Variants in FOCAD observed in about 807,000 individuals in gnomAD.
FOCAD encodes the protein focadhesin, also known as KIAA1797.
A neutral mutation model predicts 225.6 loss-of-function variants in FOCAD; 198 were observed. That is an observed-to-expected ratio of 0.88 (90% CI 0.78 to 0.99). The LOEUF (loss-of-function observed/expected upper bound fraction) is 0.99. Ranked by LOEUF, FOCAD falls within the 50% of genes least tolerant of loss-of-function variation. The pLI, the probability that FOCAD is intolerant of heterozygous loss-of-function variation, is 0.00. For missense variants in FOCAD, 2,713 were observed against 2,123.6 expected (o/e 1.28, Z -5.46); for synonymous variants, 897 against 755.0 (o/e 1.19, Z -3.08).
chr9:20,980,477 T>A (rs1384720739), intron 37 of FOCAD, among the ~76,000 whole-genome samples: 1 of 133,730 alleles, frequency 7.5e-6, no homozygotes, highest in Non-Finnish European at 1.6e-5. Context: ...TCTTTGATTA[T>A]TTATCTTTAT....
At chr9:20,949,723 T>C (rs1427725185) in intron 33 of FOCAD, 48 bp downstream of exon 33, 3 of 1,439,148 alleles carry the variant, frequency 2.1e-6, no homozygotes, top group Admixed American at 3.4e-5. Context: ...TATCCCCCTT[T>C]GTTGTCTTTT....
At chr9:20,740,055 T>A (rs1011739254) in intron 4 of FOCAD, among the ~76,000 whole-genome samples, 181 bp from the exon 5 acceptor site, 1 of 152,186 alleles carries the variant, frequency 6.6e-6, no homozygotes, top group Non-Finnish European at 1.5e-5. Flanking sequence ...CTCCATTTCT[T>A]CTCCTTTAAA....
chr9:20,707,103 A>G (rs1408453441), intron 1 of FOCAD, among the ~76,000 whole-genome samples: 1 of 152,216 alleles, frequency 6.6e-6, no homozygotes, highest in Non-Finnish European at 1.5e-5. Flanking sequence ...TTTTGTTAAT[A>G]CAAAAGAAGA....
At chr9:20,930,605 AAC>A (rs1430368989) in intron 27 of FOCAD, among the ~76,000 whole-genome samples, 1 of 152,104 alleles carries the variant, frequency 6.6e-6, no homozygotes, top group Non-Finnish European at 1.5e-5. Context: ...GTTCTTCACA[AAC>A]ACAAGTATGT....
intron 1 of FOCAD, among the ~76,000 whole-genome samples, chr9:20,714,384 T>C (rs1244011212): frequency 1.3e-5 from 2 of 152,178 alleles, no homozygotes; most frequent in Admixed American, 6.5e-5. Context: ...AACTTGGTTT[T>C]TCTGCTTGTT....
At chr9:20,723,275 G>C (rs1398838959) in intron 4 of FOCAD, among the ~76,000 whole-genome samples, 1 of 152,202 alleles carries the variant, frequency 6.6e-6, no homozygotes, top group African/African-American at 2.4e-5. Flanking sequence ...ATCACTTGAG[G>C]TCAGGAGTTC....
At chr9:20,923,239 A>C (rs1335926237) in intron 24 of FOCAD, among the ~76,000 whole-genome samples, 1 of 152,216 alleles carries the variant, frequency 6.6e-6, no homozygotes, top group African/African-American at 2.4e-5. Flanking sequence ...CCGGTGCTTC[A>C]GAAAAGCCAA....
At chr9:20,769,444 G>T (rs1817957553) in intron 7 of FOCAD, among the ~76,000 whole-genome samples, 1 of 152,176 alleles carries the variant, frequency 6.6e-6, no homozygotes, top group South Asian at 2.1e-4. Context: ...AGCTGGGTTT[G>T]AATTGCATTG....
intron 42 of FOCAD, 117 bp from the exon 43 acceptor site, chr9:20,993,136 C>T: frequency 2.7e-6 from 2 of 736,000 alleles, no homozygotes; most frequent in Non-Finnish European, 4.6e-6. Flanking sequence ...GTAATCCCAG[C>T]TACTGGGGAG....
At chr9:20,812,655 A>G (rs1294252670) in intron 11 of FOCAD, among the ~76,000 whole-genome samples, 3 of 152,142 alleles carry the variant, frequency 2.0e-5, no homozygotes, top group South Asian at 4.2e-4. Flanking sequence ...TGTTTCTGTT[A>G]TAGATGGCTT....
At chr9:20,741,436 CTCT>C (rs1307967191) in intron 5 of FOCAD, among the ~76,000 whole-genome samples, 1 of 151,970 alleles carries the variant, frequency 6.6e-6, no homozygotes, top group Admixed American at 6.6e-5. Context: ...TATTTGTGAT[CTCT>C]TATTTTTATG....
intron 15 of FOCAD, among the ~76,000 whole-genome samples, chr9:20,852,863 G>C (rs1827808596): frequency 6.6e-6 from 1 of 151,298 alleles, no homozygotes; most frequent in Non-Finnish European, 1.5e-5. Context: ...TTTTAATTTT[G>C]TATCTGTTGA....
intron 11 of FOCAD, among the ~76,000 whole-genome samples, chr9:20,794,708 T>A (rs1820877188): frequency 6.6e-6 from 1 of 152,140 alleles, no homozygotes; most frequent in African/African-American, 2.4e-5. Context: ...AAAGAAAAAA[T>A]TACTTAAAAT....
At chr9:20,771,389 C>T (rs1194340854) in intron 8 of FOCAD, among the ~76,000 whole-genome samples, 1 of 152,136 alleles carries the variant, frequency 6.6e-6, no homozygotes, top group Non-Finnish European at 1.5e-5. Context: ...TTTGGGACCG[C>T]ACACCACTAA....
At chr9:20,702,123 T>G (rs1824006706) in intron 1 of FOCAD, among the ~76,000 whole-genome samples, 2 of 150,990 alleles carry the variant, frequency 1.3e-5, no homozygotes, top group Admixed American at 6.6e-5. Context: ...TATTATTAGC[T>G]ATAGGGCATT....
intron 21 of FOCAD, among the ~76,000 whole-genome samples, chr9:20,900,076 T>C (rs1832432254): frequency 6.6e-6 from 1 of 151,956 alleles, no homozygotes; most frequent in African/African-American, 2.4e-5. Context: ...TTGACTCCTG[T>C]TGCAGAGGAA....
At chr9:20,750,698 C>T (rs1488638850) in intron 5 of FOCAD, among the ~76,000 whole-genome samples, 1 of 152,126 alleles carries the variant, frequency 6.6e-6, no homozygotes, top group East Asian at 1.9e-4. Flanking sequence ...TAAAAAATTT[C>T]TGTGGGCTCT....
At chr9:20,707,636 G>A (rs1824498572) in intron 1 of FOCAD, among the ~76,000 whole-genome samples, 1 of 152,168 alleles carries the variant, frequency 6.6e-6, no homozygotes, top group East Asian at 1.9e-4. Context: ...AGTGGAAGTG[G>A]ATCGTCATAA....
chr9:20,827,837 C>T (rs969351638), intron 15 of FOCAD, among the ~76,000 whole-genome samples: 1 of 151,948 alleles, frequency 6.6e-6, no homozygotes, highest in Non-Finnish European at 1.5e-5. Context: ...ACATGAGGCC[C>T]AAGGTTAATA....
Sources: allele counts gnomAD v4.1 joint callset (sites outside exome capture counted in the v4.1 genomes callset), GRCh38; gene constraint gnomAD v4.1.1; transcripts MANE v1.5; gene names NCBI Gene and HGNC (gene_info 2026-07-23, HGNC 2026-07-21).